The following UNK variants were observed in gnomAD, a reference collection of about 807,000 sequenced individuals.
UNK encodes the protein RING finger protein unkempt homolog.
UNK carries 32 observed loss-of-function variants against 97.6 expected under a neutral mutation model. The ratio of observed to expected loss-of-function variants is 0.33; its 90% CI spans 0.25 to 0.44. The LOEUF is 0.44. Ranked by LOEUF, UNK falls within the 20% of genes least tolerant of loss-of-function variation. The pLI, the probability that UNK is intolerant of heterozygous loss-of-function variation, is 1.00. For missense variants in UNK, 771 were observed against 1,098.4 expected, an observed-to-expected ratio of 0.70 and a Z score of 4.21; for synonymous variants, 441 against 461.2, an observed-to-expected ratio of 0.96 and a Z score of 0.56.
chr17:75,802,468 T>C lies in UNK; in HGVS notation c.105-7292T>C, dbSNP rs144634372. 9.2e-5 allele frequency among the ~76,000 whole-genome samples: 14 copies of C among 152,040 alleles called. No homozygotes were observed. The East Asian group carries it at 2.5e-3, about 27-fold the overall frequency. On this transcript the variant is annotated intron_variant, in intron 1 of 15. Coordinates refer to ENST00000589666, the MANE Select transcript of UNK (RefSeq NM_001080419.3). The stretch of plus-strand genomic sequence containing the variant: ...GTTTTAGTGATGGGGTCTTGCTATG[T>C]TGCCCTCAAACTCCTAGGCTCAGGT...
At chr17:75,788,290 C>G (rs1352639244) in intron 1 of UNK, among the ~76,000 whole-genome samples, 1 of 151,994 alleles carries the variant, frequency 6.6e-6, no homozygotes, top group South Asian at 2.1e-4. Context: ...AGCAATTCTC[C>G]TGCTTCAGCT....
In UNK at chr17:75,812,475, C is replaced by A. The variant is rs1249080429; in HGVS notation, c.512C>A (p.Ala171Asp). The A allele has an allele frequency of 6.2e-7, 1 of 1,611,912 alleles. No homozygotes were observed. Among genetic ancestry groups the A allele is most frequent in the Non-Finnish European group, 8.5e-7 (1 of 1,179,540 alleles). Reference sequence around the variant, plus strand: ...CCCAGGGAGCTTCAGGCCATGGAGGCCTTGCAGAATGGCCAGACCACGGTA... The same window carrying A: ...CCCAGGGAGCTTCAGGCCATGGAGGACTTGCAGAATGGCCAGACCACGGTA... ...YDIRELQAMEALQNGQTTVEG... is the reference protein window; with the variant it reads ...YDIRELQAMEDLQNGQTTVEG... Residue 171 changes from alanine (A) to aspartate (D), a missense_variant, in exon 4 of 16, where the codon GCC becomes GAC. Coordinates refer to ENST00000589666, the MANE Select transcript of UNK (RefSeq NM_001080419.3).
chr17:75,793,090 T>C (rs577756185), intron 1 of UNK, among the ~76,000 whole-genome samples: 1 of 152,350 alleles, frequency 6.6e-6, no homozygotes, highest in Non-Finnish European at 1.5e-5. Flanking sequence ...AAAACAAGTT[T>C]GAGACTCTTA....
At chr17:75,785,090 TTCC>T in intron 1 of UNK, 106 bp downstream of exon 1, 1 of 580,092 alleles carries the variant, frequency 1.7e-6, no homozygotes, top group East Asian at 4.4e-5. Flanking sequence ...CCTCCCCCCC[TTCC>T]TCCTCCGGCC....
intron 1 of UNK, chr17:75,793,422 C>G: frequency 4.1e-6 from 4 of 985,384 alleles, no homozygotes; most frequent in Non-Finnish European, 4.8e-6. Context: ...CCTCAACTTT[C>G]ACCCCTTTTT....
At position 75,818,724 on chromosome 17, in the gene UNK, C is replaced by G; in HGVS notation, c.1454C>G (p.Pro485Arg). The change falls in exon 11 of 16, where the codon CCC becomes CGC. Residue 485 changes from proline (P) to arginine (R), a missense_variant. Coordinates refer to ENST00000589666, the MANE Select transcript of UNK (RefSeq NM_001080419.3). This position sits in a 1 kb window ranked among gnomAD's most constrained non-coding sequence, Gnocchi z 5.1. ...SSITSSLAAT[P>R]PSPVGTSSVP... is the part of the protein sequence containing the mutation. ...ATCACCTCCAGCCTGGCAGCTACCCCCCCTAGCCCAGTGGGCACCAGCAGC... is the reference window on the plus strand; with the variant it reads ...ATCACCTCCAGCCTGGCAGCTACCCGCCCTAGCCCAGTGGGCACCAGCAGC... The G allele has an allele frequency of 6.2e-7, 1 of 1,613,310 alleles. No homozygotes were observed. The highest frequency in any genetic ancestry group is 8.5e-7 in the Non-Finnish European group (1 of 1,179,580).
chr17:75,816,871 C>T lies in UNK; in HGVS notation c.1063C>T (p.Pro355Ser). 6.2e-7 allele frequency: 1 copy of T among 1,606,866 alleles called. No individual in the cohort carries two copies. The highest frequency in any genetic ancestry group is 8.5e-7 in the Non-Finnish European group (1 of 1,179,316). Residue 355 changes from proline to serine, a missense_variant, in exon 8 of 16, where the codon CCT becomes TCT. Pro to Ser is a moderately conservative substitution (Grantham distance 74). Around this residue, in one of 5 missense-constraint regions of UNK, gnomAD observed 192 missense variants for 202.4 expected, o/e 0.95. Coordinates refer to ENST00000589666, the MANE Select transcript of UNK (RefSeq NM_001080419.3). This position sits in a 1 kb window ranked among gnomAD's most constrained non-coding sequence, Gnocchi z 4.0. ...YMPSAAGDSVPVSPSSPHAPD... is the reference protein window; with the variant it reads ...YMPSAAGDSVSVSPSSPHAPD... ...GCCATCTGCCGCCGGAGACTCGGTG[C>T]CTGTGAGCCCCTCCAGCCCGCATGC...
chr17:75,814,839 T>C (rs1331290127), intron 6 of UNK, among the ~76,000 whole-genome samples: 5 of 152,186 alleles, frequency 3.3e-5, no homozygotes, highest in Admixed American at 2.0e-4. Context: ...TTGCCTGAGA[T>C]TGTGGCTCCC....
intron 1 of UNK, among the ~76,000 whole-genome samples, chr17:75,798,127 A>G (rs1455262892): frequency 6.7e-6 from 1 of 148,706 alleles, no homozygotes; most frequent in Non-Finnish European, 1.5e-5. Flanking sequence ...CTGGAGTGCA[A>G]TGGCACGATT....
At chr17:75,812,420 C>T in intron 3 of UNK, 35 bp from the exon 4 acceptor site, 1 of 1,598,260 alleles carries the variant, frequency 6.3e-7, no homozygotes, top group Non-Finnish European at 8.5e-7. Flanking sequence ...CTCATGCCCC[C>T]TCTCCACCCT....
intron 1 of UNK, among the ~76,000 whole-genome samples, chr17:75,799,131 C>T (rs1347269853): frequency 1.3e-5 from 2 of 150,564 alleles, no homozygotes; most frequent in East Asian, 3.9e-4. Context: ...GGCAACATGG[C>T]GAAACCTCAT....
Position 75,818,406 on chromosome 17 carries a change from G to A in UNK, c.1372-236G>A, listed in dbSNP as rs929637247. Reference sequence around the variant, plus strand: ...CTGCACTCTGCCAGGCCCTGTACTCGCTTCTCTCTTCCCTGCTACAGGACT... The same window carrying A: ...CTGCACTCTGCCAGGCCCTGTACTCACTTCTCTCTTCCCTGCTACAGGACT... On this transcript the variant is annotated intron_variant, in intron 10 of 15. Transcript: ENST00000589666. The surrounding 1 kb of genome is among the most constrained non-coding windows in gnomAD (Gnocchi z 5.1). Among the ~76,000 whole-genome samples, 6 of 152,132 alleles carry A rather than the reference G, an allele frequency of 3.9e-5. No homozygotes were observed. The highest frequency in any genetic ancestry group is 9.7e-5 in the African/African-American group (4 of 41,414).
At chr17:75,810,550 G>C (rs1043548655) in intron 2 of UNK, among the ~76,000 whole-genome samples, 2 of 152,032 alleles carry the variant, frequency 1.3e-5, no homozygotes, top group South Asian at 4.1e-4. Context: ...CCTTCCCTTC[G>C]TCAGCCCTCT....
intron 2 of UNK, among the ~76,000 whole-genome samples, chr17:75,810,663 ACT>A (rs1486997012): frequency 1.3e-5 from 2 of 151,584 alleles, no homozygotes; most frequent in African/African-American, 2.4e-5. Flanking sequence ...GCACCCTCAA[ACT>A]CTACTCTGTT....
At position 75,818,707 on chromosome 17, in the gene UNK, C is replaced by T. The variant is rs1341959979; in HGVS notation, c.1437C>T (p.Ser479=). 3 of 1,613,210 alleles carry T rather than the reference C, an allele frequency of 1.9e-6. No individual in the cohort carries two copies. Among genetic ancestry groups the T allele is most frequent in the South Asian group, 2.2e-5 (2 of 90,926 alleles). Residue 479 remains serine, a synonymous_variant, in exon 11 of 16, where the codon TCC becomes TCT. Coordinates refer to ENST00000589666, the MANE Select transcript of UNK (RefSeq NM_001080419.3). The surrounding 1 kb of genome is among the most constrained non-coding windows in gnomAD (Gnocchi z 5.1). The part of the protein sequence containing the change: ...LTSSISSSIT[S]SLAATPPSPV... ...CAAGCATCTCTTCTAGTATCACCTCCAGCCTGGCAGCTACCCCCCCTAGCC... is the reference window on the plus strand; with the variant it reads ...CAAGCATCTCTTCTAGTATCACCTCTAGCCTGGCAGCTACCCCCCCTAGCC...
At chr17:75,791,457 C>T (rs1484274159) in intron 1 of UNK, among the ~76,000 whole-genome samples, 1 of 152,224 alleles carries the variant, frequency 6.6e-6, no homozygotes, top group Non-Finnish European at 1.5e-5. Context: ...TAGTAGAGTA[C>T]TACTTGTTGC....
chr17:75,823,391 G>C lies in UNK; in HGVS notation c.2146G>C (p.Glu716Gln). ...GGTGCAGGTGAAGAAGCTCCAGGAG[G>C]AGCTGGAGCGGCTACACGCGGGGCC... is the stretch of plus-strand genomic sequence containing the variant. ...LEVQVKKLQEELERLHAGPEP... is the reference protein window; with the variant it reads ...LEVQVKKLQEQLERLHAGPEP... Residue 716 changes from glutamate (E) to glutamine (Q), a missense_variant, in exon 15 of 16, where the codon GAG becomes CAG. This residue lies in a region of UNK where 208 missense variants were observed against 257.4 expected (regional missense o/e 0.81). Coordinates refer to ENST00000589666, the MANE Select transcript of UNK (RefSeq NM_001080419.3). 6.2e-7 allele frequency: 1 copy of C among 1,609,548 alleles called. No homozygotes were observed. The highest frequency in any genetic ancestry group is 8.5e-7 in the Non-Finnish European group (1 of 1,178,134).
In UNK at chr17:75,825,219, C is replaced by T. The variant is rs541174655; in HGVS notation, c.*802C>T. The T allele has an allele frequency of 6.6e-6, 1 of 152,224 alleles. No homozygotes were observed. The highest frequency in any genetic ancestry group is 2.1e-4 in the South Asian group (1 of 4,834). 9.4% of individuals were successfully genotyped at this position (152,224 alleles called of 1,614,324 possible). A position where few individuals can be genotyped will look rare whatever the true frequency, so the allele number is the denominator to read the frequency against. ...CAGTCCTTCCCCCCGCCGCCCCTCCCCGGACTCCCCACAAGAGCCTCCCTG... is the reference window on the plus strand; with the variant it reads ...CAGTCCTTCCCCCCGCCGCCCCTCCTCGGACTCCCCACAAGAGCCTCCCTG... On this transcript the variant is annotated 3_prime_UTR_variant, in exon 16 of 16. Transcript: ENST00000589666. The surrounding 1 kb of genome is among the most constrained non-coding windows in gnomAD (Gnocchi z 4.4).
At position 75,809,784 on chromosome 17, in the gene UNK, G is replaced by C. The variant is rs1178108237; in HGVS notation, c.129G>C (p.Glu43Asp). The C allele has an allele frequency of 6.2e-7, 1 of 1,611,836 alleles. No homozygotes were observed. The highest frequency in any genetic ancestry group is 8.5e-7 in the Non-Finnish European group (1 of 1,179,004). ...GGTACCTGAAAGAATTCCGCACAGA[G>C]CAGTGCCCACTCTTTGTGCAACACA... ...HYTYLKEFRTEQCPLFVQHKC... is the reference protein window; with the variant it reads ...HYTYLKEFRTDQCPLFVQHKC... Residue 43 changes from glutamate (E) to aspartate (D), a missense_variant, in exon 2 of 16, where the codon GAG becomes GAC. Physicochemically the swap from Glu to Asp is conservative, Grantham distance 45. Transcript: ENST00000589666.
Sources: allele counts gnomAD v4.1 joint callset (sites outside exome capture counted in the v4.1 genomes callset), GRCh38; gene constraint gnomAD v4.1.1; regional missense constraint gnomAD v4.1.1; non-coding constraint Gnocchi (gnomAD v3.1); transcripts MANE v1.5; gene names NCBI Gene and HGNC (gene_info 2026-07-23, HGNC 2026-07-21).